Variants in REEP1 observed in about 807,000 individuals in gnomAD.
REEP1 encodes the protein receptor expression-enhancing protein 1.
Under a neutral mutation model 40.3 loss-of-function variants are expected in REEP1, and 22 were observed. The ratio of observed to expected loss-of-function variants is 0.55; its 90% CI spans 0.39 to 0.78. The LOEUF (loss-of-function observed/expected upper bound fraction) is 0.78, where lower values mean the gene tolerates loss of function less well. REEP1 is among the 30% of genes least tolerant of loss of function. The pLI, the probability that REEP1 is intolerant of heterozygous loss-of-function variation, is 0.00. For synonymous variants in REEP1, 116 were observed against 139.2 expected (o/e 0.83, Z 1.17); for missense variants, 280 against 361.1 (o/e 0.78, Z 1.82).
chr2:86,226,093 C>CCACCACCAT (rs1674671806), intron 7 of REEP1, among the ~76,000 whole-genome samples: 2 of 143,208 alleles, frequency 1.4e-5, no homozygotes, highest in African/African-American at 5.4e-5. Flanking sequence ...ACCACCACCA[C>CCACCACCAT]CACCACCACC....
At chr2:86,250,702 G>C (rs1035278169) in intron 5 of REEP1, among the ~76,000 whole-genome samples, 6 of 136,474 alleles carry the variant, frequency 4.4e-5, no homozygotes, top group Admixed American at 3.9e-4. Flanking sequence ...GGTCTTGTCT[G>C]AAAGAGGAAT....
At chr2:86,258,707 G>A (rs1020716102) in intron 3 of REEP1, among the ~76,000 whole-genome samples, 1 of 152,144 alleles carries the variant, frequency 6.6e-6, no homozygotes, top group Non-Finnish European at 1.5e-5. Context: ...AGCCTACCTC[G>A]AGAGACAGAG....
At position 86,337,410 on chromosome 2, in the gene REEP1, G is replaced by T; in HGVS notation, c.32+69C>A. 9.1e-7 allele frequency: 1 copy of T among 1,094,176 alleles called. No homozygotes were observed. Among genetic ancestry groups the T allele is most frequent in the Non-Finnish European group, 1.2e-6 (1 of 868,514 alleles). The allele number at this position is 1,094,176 out of a possible 1,614,324, so 67.8% of individuals were successfully genotyped here. ...GCCACTGGGACCGGGCGCTGTAGGG[G>T]CGCGCGCAGCCCGGGGCCGGGGGCG... On this transcript the variant is annotated intron_variant, in intron 1 of 8. Coordinates refer to ENST00000538924, the MANE Select transcript of REEP1 (RefSeq NM_001371279.1). This position sits in a 1 kb window ranked among gnomAD's most constrained non-coding sequence, Gnocchi z 5.8.
intron 2 of REEP1, among the ~76,000 whole-genome samples, chr2:86,276,097 C>G (rs1004473276): frequency 6.6e-6 from 1 of 152,146 alleles, no homozygotes; most frequent in Non-Finnish European, 1.5e-5. Flanking sequence ...GGCTCATGTA[C>G]CAAACAGCCA....
At chr2:86,331,380 C>T (rs1680753795) in intron 1 of REEP1, among the ~76,000 whole-genome samples, 1 of 152,152 alleles carries the variant, frequency 6.6e-6, no homozygotes. Context: ...ATGCAGCATG[C>T]TACCAGAAGG....
At chr2:86,278,202 C>G (rs2113614) in intron 2 of REEP1, among the ~76,000 whole-genome samples, 5,933 of 152,274 alleles carry the variant, frequency 0.039, 357 homozygotes, top group African/African-American at 0.13. Flanking sequence ...TGACCAGTTG[C>G]ATGAATATGG....
At chr2:86,255,909 G>A (rs548786634) in intron 3 of REEP1, among the ~76,000 whole-genome samples, 2 of 152,190 alleles carry the variant, frequency 1.3e-5, no homozygotes, top group Admixed American at 6.5e-5. Context: ...TGAACAACCC[G>A]AGCAACCATA....
intron 2 of REEP1, among the ~76,000 whole-genome samples, chr2:86,279,206 G>A (rs2104382981): frequency 6.6e-6 from 1 of 152,306 alleles, no homozygotes; most frequent in Non-Finnish European, 1.5e-5. Context: ...AGGTGATGCA[G>A]ATAATGCTGG....
intron 4 of REEP1, among the ~76,000 whole-genome samples, chr2:86,253,694 C>G (rs566968384): frequency 6.6e-6 from 1 of 152,218 alleles, no homozygotes; most frequent in Admixed American, 6.5e-5. Context: ...GGAAGTGCTG[C>G]GGTCCGAGTT....
In REEP1 at chr2:86,297,380, G is replaced by GA. The variant is rs1679036013; in HGVS notation, c.33-15139dup. ...CTCTGCAAAATGTGGTGTCAAATGG[G>GA]ATAATATACGTTATGATACTTGAAA... On this transcript the variant is annotated intron_variant, in intron 1 of 8. Coordinates refer to ENST00000538924, the MANE Select transcript of REEP1 (RefSeq NM_001371279.1). Among the ~76,000 whole-genome samples the GA allele has an allele frequency of 2.0e-5, 3 of 152,254 alleles. No homozygotes were observed. The South Asian group carries it at 6.2e-4, about 32-fold the overall frequency.
chr2:86,281,005 C>T (rs919162347), intron 2 of REEP1, among the ~76,000 whole-genome samples: 16 of 152,270 alleles, frequency 1.1e-4, no homozygotes, highest in Middle Eastern at 3.4e-3. Flanking sequence ...CTTAGGCTCT[C>T]GGAAGTTTAA....
intron 3 of REEP1, among the ~76,000 whole-genome samples, chr2:86,257,104 G>A (rs1676604675): frequency 6.6e-6 from 1 of 152,144 alleles, no homozygotes; most frequent in Admixed American, 6.5e-5. Context: ...AGCCAGAAAA[G>A]AGAGAGGCTG....
At chr2:86,227,473 G>T (rs541069022) in intron 6 of REEP1, 75 bp from the exon 7 acceptor site, 2 of 1,182,920 alleles carry the variant, frequency 1.7e-6, no homozygotes, top group African/African-American at 3.1e-5. Flanking sequence ...AAACAGGGAG[G>T]CCCTGGAGAG....
chr2:86,322,586 G>T (rs1680317379), intron 1 of REEP1, among the ~76,000 whole-genome samples: 1 of 151,894 alleles, frequency 6.6e-6, no homozygotes, highest in South Asian at 2.1e-4. Flanking sequence ...AAGTAACTGG[G>T]ACCACAGGTG....
At chr2:86,222,264 G>A (rs1674470840) in intron 7 of REEP1, among the ~76,000 whole-genome samples, 1 of 152,188 alleles carries the variant, frequency 6.6e-6, no homozygotes, top group South Asian at 2.1e-4. Context: ...TGACCCTCCA[G>A]CCCAGTAGGA....
chr2:86,225,925 AGGCAACT>A (rs1312420268), intron 7 of REEP1, among the ~76,000 whole-genome samples: 1 of 152,208 alleles, frequency 6.6e-6, no homozygotes, highest in African/African-American at 2.4e-5. Flanking sequence ...ACTTAAGGTT[AGGCAACT>A]GGAGAAGCAG....
At chr2:86,331,531 T>TG (rs199986964) in intron 1 of REEP1, among the ~76,000 whole-genome samples, 47 of 141,930 alleles carry the variant, frequency 3.3e-4, no homozygotes, top group South Asian at 2.7e-3. Context: ...AAAAAAAAGG[T>TG]GGGGGGGCGG....
rs116716377 is a variant in REEP1 at position 86,258,681 on chromosome 2, C to T, written c.183-3867G>A. Among the ~76,000 whole-genome samples the T allele has an allele frequency of 7.8e-3, 1,187 of 152,316 alleles. 25 individuals are homozygous for T. The highest frequency in any genetic ancestry group is 0.026 in the African/African-American group (1,082 of 41,556). On this transcript the variant is annotated intron_variant, in intron 3 of 8. Transcript: ENST00000538924. ...CCCTTGGCTCTACCAACACAATCCC[C>T]GCCAAGTCTTCTTCCAGCCTACCTC...
intron 1 of REEP1, among the ~76,000 whole-genome samples, chr2:86,301,831 G>T (rs1679268328): frequency 6.6e-6 from 1 of 152,216 alleles, no homozygotes; most frequent in South Asian, 2.1e-4. Context: ...CCAAGAGGCT[G>T]CAAGTTTGGT....
Sources: allele counts gnomAD v4.1 joint callset (sites outside exome capture counted in the v4.1 genomes callset), GRCh38; gene constraint gnomAD v4.1.1; non-coding constraint Gnocchi (gnomAD v3.1); transcripts MANE v1.5; gene names NCBI Gene and HGNC (gene_info 2026-07-23, HGNC 2026-07-21).